Variants in CLSTN2 observed in about 807,000 individuals in gnomAD.
CLSTN2 encodes the protein calsyntenin-2.
CLSTN2 carries 48 observed loss-of-function variants against 101.2 expected under a neutral mutation model. The ratio of observed to expected loss-of-function variants is 0.47; its 90% CI spans 0.38 to 0.60. The LOEUF is 0.60. CLSTN2 is among the 20% of genes least tolerant of loss of function. The pLI, the probability that CLSTN2 is intolerant of heterozygous loss-of-function variation, is 0.00. For missense variants in CLSTN2, 1,160 were observed against 1,238.2 expected, an observed-to-expected ratio of 0.94 and a Z score of 0.95; for synonymous variants, 481 against 463.6, an observed-to-expected ratio of 1.04 and a Z score of -0.48.
chr3:140,231,781 G>T (rs1395640675), intron 2 of CLSTN2, among the ~76,000 whole-genome samples: 1 of 152,200 alleles, frequency 6.6e-6, no homozygotes, highest in Non-Finnish European at 1.5e-5. Flanking sequence ...CTTACATAAT[G>T]CCTGGTATAT....
chr3:140,512,218 C>A (rs952091450), intron 8 of CLSTN2, among the ~76,000 whole-genome samples: 1 of 152,116 alleles, frequency 6.6e-6, no homozygotes, highest in Non-Finnish European at 1.5e-5. Flanking sequence ...TTGCCCATGC[C>A]TATGTCCTGA....
At chr3:139,938,367 GTGCTTCT>G (rs569803606) in intron 1 of CLSTN2, among the ~76,000 whole-genome samples, 64 of 152,232 alleles carry the variant, frequency 4.2e-4, no homozygotes, top group Middle Eastern at 6.8e-3. Context: ...TTCTGCCTTT[GTGCTTCT>G]TGCTTCTTGC....
At chr3:140,520,725 G>A (rs544103434) in intron 8 of CLSTN2, among the ~76,000 whole-genome samples, 2 of 152,274 alleles carry the variant, frequency 1.3e-5, no homozygotes, top group African/African-American at 2.4e-5. Context: ...CTAGGTTTGG[G>A]AAGTTCTGGA....
intron 1 of CLSTN2, among the ~76,000 whole-genome samples, chr3:140,126,734 T>C (rs2009439786): frequency 6.6e-6 from 1 of 152,208 alleles, no homozygotes. Flanking sequence ...CTTTTTCAGC[T>C]TTATTCTTTC....
intron 2 of CLSTN2, among the ~76,000 whole-genome samples, chr3:140,228,076 G>A (rs2086339056): frequency 6.6e-6 from 1 of 152,114 alleles, no homozygotes; most frequent in Non-Finnish European, 1.5e-5. Context: ...TTCTGCAGCT[G>A]GCTTGAATTT....
At chr3:140,332,690 T>C (rs2087395506) in intron 2 of CLSTN2, among the ~76,000 whole-genome samples, 1 of 133,170 alleles carries the variant, frequency 7.5e-6, no homozygotes, top group Non-Finnish European at 1.7e-5. Flanking sequence ...GCTTGTTTTT[T>C]CTTTTCTTTT....
In CLSTN2 at chr3:140,311,287, C is replaced by CTTTTTTTTTTTTT. The variant is rs750088450; in HGVS notation, c.233-92318_233-92306dup. On this transcript the variant is annotated intron_variant, in intron 2 of 16. Transcript: ENST00000458420. ...ATAATAACAGCTAAGGTTTATTATC[C>CTTTTTTTTTTTTT]TTTTTTTTTTTTTTTTTTTTTTTTT... is the stretch of plus-strand genomic sequence containing the variant. Among the ~76,000 whole-genome samples, 13 of 52,080 alleles carry CTTTTTTTTTTTTT rather than the reference C, an allele frequency of 2.5e-4. 3 individuals carry two copies. Among genetic ancestry groups the CTTTTTTTTTTTTT allele is most frequent in the African/African-American group, 5.6e-4 (6 of 10,624 alleles). The allele number at this position is 52,080 out of a possible 152,430, so 34.2% of individuals were successfully genotyped here. A position where few individuals can be genotyped will look rare whatever the true frequency, so the allele number is the denominator to read the frequency against.
intron 9 of CLSTN2, among the ~76,000 whole-genome samples, chr3:140,537,180 T>A (rs1199759906): frequency 6.6e-6 from 1 of 152,206 alleles, no homozygotes; most frequent in Admixed American, 6.5e-5. Context: ...CTAGCTCCCA[T>A]TTGTGAAATT....
chr3:140,104,228 G>C (rs1433380243), intron 1 of CLSTN2, among the ~76,000 whole-genome samples: 1 of 152,170 alleles, frequency 6.6e-6, no homozygotes, highest in East Asian at 1.9e-4. Flanking sequence ...TCCACAGACA[G>C]TTCCTCCCAC....
intron 2 of CLSTN2, among the ~76,000 whole-genome samples, chr3:140,381,343 A>G (rs183443619): frequency 6.6e-6 from 1 of 152,326 alleles, no homozygotes; most frequent in Admixed American, 6.5e-5. Context: ...ATAAGGTCAC[A>G]TTCTGAAGTT....
intron 3 of CLSTN2, among the ~76,000 whole-genome samples, chr3:140,404,125 C>G (rs2088277223): frequency 6.6e-6 from 1 of 152,246 alleles, no homozygotes; most frequent in African/African-American, 2.4e-5. Flanking sequence ...CAGACCTGGT[C>G]AGGACCTTTC....
intron 8 of CLSTN2, chr3:140,505,671 A>T (rs1934672365): frequency 6.6e-6 from 1 of 152,220 alleles, no homozygotes; most frequent in Non-Finnish European, 1.5e-5. Flanking sequence ...AGATATGTCA[A>T]CTAAATTATA....
At chr3:140,054,882 C>T (rs2008071174) in intron 1 of CLSTN2, among the ~76,000 whole-genome samples, 1 of 152,202 alleles carries the variant, frequency 6.6e-6, no homozygotes, top group South Asian at 2.1e-4. Flanking sequence ...TCTGTAGCAA[C>T]AAAGGTCCAT....
intron 4 of CLSTN2, among the ~76,000 whole-genome samples, chr3:140,414,533 A>G (rs1343118197): frequency 6.6e-6 from 1 of 152,066 alleles, no homozygotes; most frequent in African/African-American, 2.4e-5. Flanking sequence ...GCAAAGGCAT[A>G]CAGAGTGATA....
Position 140,504,805 on chromosome 3 carries a change from G to A in CLSTN2, c.1345-27519G>A, listed in dbSNP as rs115128541. Among the ~76,000 whole-genome samples, 244 of 152,320 alleles carry A rather than the reference G, an allele frequency of 1.6e-3. 1 individual carries two copies. Among genetic ancestry groups the A allele is most frequent in the African/African-American group, 4.8e-3 (201 of 41,564 alleles). ...ACCTTCTCTCCAGAGCCAGAGAAAG[G>A]TGGTAGGAGGAACGCTTTTGTGTTT... On this transcript the variant is annotated intron_variant, in intron 8 of 16. Coordinates refer to ENST00000458420, the MANE Select transcript of CLSTN2 (RefSeq NM_022131.3).
intron 9 of CLSTN2, among the ~76,000 whole-genome samples, chr3:140,537,869 T>C (rs796342351): frequency 9.9e-5 from 15 of 152,270 alleles, no homozygotes; most frequent in African/African-American, 3.6e-4. Context: ...ATAACCCAGC[T>C]GTGCAAGGGA....
chr3:140,262,580 G>T (rs760573550), intron 2 of CLSTN2, among the ~76,000 whole-genome samples: 2 of 152,160 alleles, frequency 1.3e-5, no homozygotes, highest in African/African-American at 4.8e-5. Flanking sequence ...GTTTCATGGG[G>T]CCCATAGATT....
At chr3:140,260,154 A>C (rs894161830) in intron 2 of CLSTN2, among the ~76,000 whole-genome samples, 1 of 147,578 alleles carries the variant, frequency 6.8e-6, no homozygotes, top group African/African-American at 2.5e-5. Context: ...ATATATATAT[A>C]TATTATATAT....
chr3:140,430,024 G>A (rs1013833947), intron 5 of CLSTN2, among the ~76,000 whole-genome samples: 1 of 152,084 alleles, frequency 6.6e-6, no homozygotes, highest in Non-Finnish European at 1.5e-5. Context: ...AAAGTCAGAT[G>A]GGTTATTAAA....
Sources: gnomAD v4.1 joint callset for allele counts (sites outside exome capture counted in the v4.1 genomes callset) on GRCh38, gnomAD v4.1.1 for gene constraint, MANE v1.5 for transcripts, NCBI Gene and HGNC (gene_info 2026-07-23, HGNC 2026-07-21) for gene names.